VPS54: variants seen among roughly 807,000 people sequenced by gnomAD.
The protein encoded by VPS54 is VPS54 subunit of GARP complex, also known as vacuolar protein sorting-associated protein 54.
VPS54 carries 45 observed loss-of-function variants against 121.5 expected under a neutral mutation model. That is an observed-to-expected ratio of 0.37 (90% CI 0.29 to 0.47). VPS54 has a LOEUF of 0.47. Among genes scored for constraint, VPS54 ranks in the 20% least tolerant of loss-of-function variants. The pLI, the probability that VPS54 is intolerant of heterozygous loss-of-function variation, is 0.99. For missense variants in VPS54, 1,090 were observed against 1,131.4 expected, an observed-to-expected ratio of 0.96 and a Z score of 0.52; for synonymous variants, 371 against 385.8, an observed-to-expected ratio of 0.96 and a Z score of 0.45.
At chr2:63,975,218 A>G in intron 3 of VPS54, 1 of 517,602 alleles carries the variant, frequency 1.9e-6, no homozygotes, top group Non-Finnish European at 3.4e-6. Flanking sequence ...ACAGTGAAAG[A>G]GATCTGACCT....
chr2:63,936,514 A>C (rs887024951), intron 11 of VPS54, among the ~76,000 whole-genome samples: 1 of 152,176 alleles, frequency 6.6e-6, no homozygotes, highest in Non-Finnish European at 1.5e-5. Flanking sequence ...ATTGATAACC[A>C]TAATGACAAC....
At chr2:63,914,600 T>C (rs1673296018) in intron 16 of VPS54, among the ~76,000 whole-genome samples, 1 of 152,148 alleles carries the variant, frequency 6.6e-6, no homozygotes, top group African/African-American at 2.4e-5. Context: ...CTGTATGGCA[T>C]TCTTATTAAG....
chr2:63,894,234 G>A (rs1178397069), intron 22 of VPS54, among the ~76,000 whole-genome samples: 1 of 152,200 alleles, frequency 6.6e-6, no homozygotes, highest in African/African-American at 2.4e-5. Context: ...TACAGCCACT[G>A]TCAATACCTA....
At chr2:63,903,834 A>G (rs565690498) in intron 20 of VPS54, among the ~76,000 whole-genome samples, 2 of 152,270 alleles carry the variant, frequency 1.3e-5, no homozygotes, top group East Asian at 3.9e-4. Context: ...AAAAAAGGGG[A>G]AAATCAGTCA....
chr2:63,983,869 G>C lies in VPS54; in HGVS notation c.131C>G (p.Pro44Arg), dbSNP rs1221484682. 1 of 1,594,534 alleles carries C rather than the reference G, an allele frequency of 6.3e-7. No homozygotes were observed. Among genetic ancestry groups the C allele is most frequent in the Non-Finnish European group, 8.5e-7 (1 of 1,172,124 alleles). Residue 44 changes from proline (P) to arginine (R), a missense_variant, in exon 2 of 23, where the codon CCC becomes CGC. This residue lies in a region of VPS54 where 801 missense variants were observed against 757.0 expected (regional missense o/e 1.06). Transcript: ENST00000272322. ...PSLPDVCPKE[P>R]TGDSHSLYVA... ...ACAAAAAAAAAAAGCATTACCTGTG[G>C]GTTCCTTGGGACACACATCTGGCAG...
intron 1 of VPS54, among the ~76,000 whole-genome samples, chr2:63,986,407 C>T (rs988219237): frequency 6.6e-6 from 1 of 152,188 alleles, no homozygotes; most frequent in African/African-American, 2.4e-5. Context: ...TAGTGACCTC[C>T]ACTTCCATCC....
chr2:63,935,462 T>C (rs1674410681), intron 11 of VPS54, among the ~76,000 whole-genome samples: 1 of 152,176 alleles, frequency 6.6e-6, no homozygotes, highest in Non-Finnish European at 1.5e-5. Flanking sequence ...TGTCCAATCT[T>C]GGATATACTT....
At chr2:63,992,770 C>T (rs573612136) in intron 1 of VPS54, among the ~76,000 whole-genome samples, 26 of 152,360 alleles carry the variant, frequency 1.7e-4, no homozygotes, top group African/African-American at 4.8e-4. Context: ...CTCGGCATGC[C>T]TGCCCCTGCT....
chr2:64,013,836 C>A (rs2104711476), intron 1 of VPS54, among the ~76,000 whole-genome samples: 1 of 151,548 alleles, frequency 6.6e-6, no homozygotes, highest in Middle Eastern at 3.4e-3. Flanking sequence ...AATAGCTGGG[C>A]CTTTGACCAC....
chr2:63,900,857 G>A (rs1007504532), intron 20 of VPS54, among the ~76,000 whole-genome samples: 1 of 152,060 alleles, frequency 6.6e-6, no homozygotes, highest in African/African-American at 2.4e-5. Flanking sequence ...CTGCCTCCCA[G>A]GTTCAAGTGA....
intron 7 of VPS54, among the ~76,000 whole-genome samples, chr2:63,958,477 A>T (rs747779424): frequency 3.3e-5 from 5 of 152,194 alleles, no homozygotes; most frequent in Non-Finnish European, 7.4e-5. Context: ...TAACTACTGG[A>T]AAATTGTGGT....
At chr2:63,920,143 A>G (rs2104450155) in intron 14 of VPS54, 148 bp from the exon 15 acceptor site, 1 of 601,410 alleles carries the variant, frequency 1.7e-6, no homozygotes, top group East Asian at 3.2e-5. Flanking sequence ...TACTTAGAAA[A>G]TAGTTCCCTT....
chr2:63,960,633 A>G (rs1675713245), intron 7 of VPS54, among the ~76,000 whole-genome samples: 1 of 152,140 alleles, frequency 6.6e-6, no homozygotes, highest in African/African-American at 2.4e-5. Flanking sequence ...ATTCATCAAC[A>G]CTCATGATAT....
intron 1 of VPS54, among the ~76,000 whole-genome samples, chr2:64,005,125 A>T (rs1209525577): frequency 2.3e-5 from 1 of 42,636 alleles, no homozygotes. Context: ...TTTTTTTGAG[A>T]CGGAGTCCCG....
In VPS54 at chr2:63,991,801, C is replaced by T. The variant is rs1474994622; in HGVS notation, c.-20-7782G>A. Among the ~76,000 whole-genome samples, 5 of 152,312 alleles carry T rather than the reference C, an allele frequency of 3.3e-5. No individual in the cohort carries two copies. In the South Asian group the frequency reaches 6.2e-4, roughly 19 times the overall value. On this transcript the variant is annotated intron_variant, in intron 1 of 22. Coordinates refer to ENST00000272322, the MANE Select transcript of VPS54 (RefSeq NM_016516.3). ...ACATTGCATTTCCACTTCAGGCAGT[C>T]CCAACGCAGCCCCCACCACAAACAA...
intron 6 of VPS54, among the ~76,000 whole-genome samples, 173 bp downstream of exon 6, chr2:63,965,662 T>A (rs191821385): frequency 4.6e-5 from 7 of 152,176 alleles, no homozygotes; most frequent in Admixed American, 2.0e-4. Flanking sequence ...TTGTGTTCCA[T>A]TGAACCAAAA....
chr2:63,973,348 T>C (rs1676372677), intron 3 of VPS54, among the ~76,000 whole-genome samples: 2 of 152,254 alleles, frequency 1.3e-5, no homozygotes, highest in African/African-American at 4.8e-5. Context: ...TTTAGATCTT[T>C]TGCTCATATT....
chr2:63,970,813 C>T (rs186069826), intron 4 of VPS54, among the ~76,000 whole-genome samples: 1 of 152,290 alleles, frequency 6.6e-6, no homozygotes, highest in Admixed American at 6.5e-5. Flanking sequence ...GCTCCATCAC[C>T]AGTCGTTTTC....
intron 10 of VPS54, among the ~76,000 whole-genome samples, chr2:63,943,422 C>T (rs1674828770): frequency 6.6e-6 from 1 of 152,172 alleles, no homozygotes; most frequent in Admixed American, 6.5e-5. Flanking sequence ...TCTCCACATC[C>T]ATGGAGCTTC....
Sources: gnomAD v4.1 joint callset for allele counts (sites outside exome capture counted in the v4.1 genomes callset) on GRCh38, gnomAD v4.1.1 for gene constraint, gnomAD v4.1.1 regional missense constraint, MANE v1.5 for transcripts, NCBI Gene and HGNC (gene_info 2026-07-23, HGNC 2026-07-21) for gene names.